Variants in RBFOX1 observed in about 807,000 individuals in gnomAD.
RBFOX1 encodes the protein RNA binding protein fox-1 homolog 1.
In RBFOX1, 8 loss-of-function variants were observed where a neutral mutation model predicts 57.7. The ratio of observed to expected loss-of-function variants is 0.14; its 90% CI spans 0.08 to 0.25. The LOEUF (loss-of-function observed/expected upper bound fraction) is 0.25, where lower values mean the gene tolerates loss of function less well. RBFOX1 is among the 10% of genes least tolerant of loss of function. The probability of loss-of-function intolerance (pLI) is 1.00; values close to 1 mark genes in which losing one functional copy is unlikely to be tolerated. For synonymous variants in RBFOX1, 326 were observed against 222.4 expected, an observed-to-expected ratio of 1.47 and a Z score of -4.15; for missense variants, 611 against 548.5, an observed-to-expected ratio of 1.11 and a Z score of -1.14.
intron 2 of RBFOX1, among the ~76,000 whole-genome samples, chr16:6,590,493 CA>C (rs1241320780): frequency 6.6e-6 from 1 of 152,182 alleles, no homozygotes; most frequent in Non-Finnish European, 1.5e-5. Flanking sequence ...GGTTCAGAGA[CA>C]ATTGTCCTTT....
intron 1 of RBFOX1, among the ~76,000 whole-genome samples, chr16:6,238,176 A>G (rs534302722): frequency 1.3e-5 from 2 of 152,034 alleles, no homozygotes; most frequent in South Asian, 4.2e-4. Flanking sequence ...TCTGCCACTT[A>G]GATGACATAA....
At chr16:5,281,866 G>T (rs1170859620) in intron 1 of RBFOX1, among the ~76,000 whole-genome samples, 1 of 152,088 alleles carries the variant, frequency 6.6e-6, no homozygotes, top group Non-Finnish European at 1.5e-5. Context: ...TTTTTTATCC[G>T]TTAAGCCTGT....
chr16:7,528,202 A>T (rs896802070), intron 5 of RBFOX1, among the ~76,000 whole-genome samples: 3 of 152,192 alleles, frequency 2.0e-5, no homozygotes, highest in Non-Finnish European at 2.9e-5. Flanking sequence ...TCACTGGCTT[A>T]TTTCCATTGC....
intron 3 of RBFOX1, among the ~76,000 whole-genome samples, chr16:6,840,931 C>G (rs1177117855): frequency 6.7e-6 from 1 of 149,384 alleles, no homozygotes; most frequent in East Asian, 2.0e-4. Context: ...AGACCCCTCA[C>G]CGCTTTAATC....
intron 3 of RBFOX1, among the ~76,000 whole-genome samples, chr16:6,847,290 T>C (rs2093807392): frequency 6.6e-6 from 1 of 152,108 alleles, no homozygotes; most frequent in Admixed American, 6.5e-5. Context: ...GCCCAGACTG[T>C]GCTCATTTGG....
At chr16:6,004,330 T>G (rs1033416272) in intron 4 of RBFOX1, among the ~76,000 whole-genome samples, 2 of 152,234 alleles carry the variant, frequency 1.3e-5, no homozygotes, top group African/African-American at 4.8e-5. Flanking sequence ...GCCTCAGTTT[T>G]CTTATCTGCA....
chr16:5,857,700 A>G (rs566075933), intron 3 of RBFOX1, among the ~76,000 whole-genome samples: 3 of 152,056 alleles, frequency 2.0e-5, no homozygotes, highest in Non-Finnish European at 2.9e-5. Context: ...GACGGGCAGA[A>G]CACTTGAGCC....
intron 12 of RBFOX1, among the ~76,000 whole-genome samples, chr16:7,662,570 G>A (rs543223651): frequency 1.3e-5 from 2 of 152,294 alleles, no homozygotes; most frequent in East Asian, 3.9e-4. Context: ...TAGAATGTTA[G>A]TTAAGCCACA....
chr16:6,773,671 G>C lies in RBFOX1; in HGVS notation c.-16+119021G>C, dbSNP rs1459582267. ...GGGTGTGGGGTCTATTTGTGTGTGT[G>C]TGTATGTGTATGTGTATGTGTGGGC... On this transcript the variant is annotated intron_variant, in intron 3 of 15. Coordinates refer to ENST00000550418, the MANE Select transcript of RBFOX1 (RefSeq NM_018723.4). The C allele has an allele frequency of 5.6e-5, 4 of 71,386 alleles. No homozygotes were observed. In the East Asian group the frequency reaches 3.9e-3, roughly 69 times the overall value. 4.4% of individuals were successfully genotyped at this position (71,386 alleles called of 1,614,324 possible). A position where few individuals can be genotyped will look rare whatever the true frequency, so the allele number is the denominator to read the frequency against.
At chr16:5,904,169 C>G (rs551477788) in intron 4 of RBFOX1, among the ~76,000 whole-genome samples, 1 of 152,204 alleles carries the variant, frequency 6.6e-6, no homozygotes, top group South Asian at 2.1e-4. Flanking sequence ...CTGGTGTATG[C>G]ACAAAGCCTC....
chr16:6,730,481 C>G (rs918721136), intron 3 of RBFOX1, among the ~76,000 whole-genome samples: 24 of 152,118 alleles, frequency 1.6e-4, no homozygotes, highest in Non-Finnish European at 2.4e-4. Context: ...ATCTAATTAC[C>G]TAACTGTCTA....
At chr16:5,331,515 C>T (rs1369220972) in intron 1 of RBFOX1, among the ~76,000 whole-genome samples, 1 of 152,184 alleles carries the variant, frequency 6.6e-6, no homozygotes, top group African/African-American at 2.4e-5. Context: ...GTGGGCTAGC[C>T]CAGGCATGTC....
rs1289629142 is a variant in RBFOX1 at position 6,656,956 on chromosome 16, C to T, written c.-16+2306C>T. Among the ~76,000 whole-genome samples the T allele has an allele frequency of 2.1e-4, 19 of 91,936 alleles. 1 individual carries two copies. Among genetic ancestry groups the T allele is most frequent in the African/African-American group, 9.0e-4 (19 of 21,138 alleles). The allele number at this position is 91,936 out of a possible 152,430, so 60.3% of individuals were successfully genotyped here. On this transcript the variant is annotated intron_variant, in intron 3 of 15. Coordinates refer to ENST00000550418, the MANE Select transcript of RBFOX1 (RefSeq NM_018723.4). ...CCCTCTCCTCCCCTTTCCTCTCCTC[C>T]CCTTTCCTCTCCTCTCCTCCCCTTT...
chr16:5,959,613 A>G (rs920365899), intron 4 of RBFOX1, among the ~76,000 whole-genome samples: 54 of 152,356 alleles, frequency 3.5e-4, no homozygotes, highest in African/African-American at 3.4e-4. Context: ...CAAAGCAAAA[A>G]TACAACTGAG....
At chr16:6,013,813 C>T (rs2152340990) in intron 4 of RBFOX1, among the ~76,000 whole-genome samples, 1 of 152,044 alleles carries the variant, frequency 6.6e-6, no homozygotes, top group East Asian at 1.9e-4. Flanking sequence ...GTGAATAGTG[C>T]CGCATGGATG....
chr16:5,906,890 A>G (rs1019653558), intron 4 of RBFOX1, among the ~76,000 whole-genome samples: 4 of 151,788 alleles, frequency 2.6e-5, no homozygotes, highest in African/African-American at 9.7e-5. Context: ...GCCCACCACC[A>G]TGCCTGGCTC....
chr16:5,797,877 A>T (rs2054930780), intron 3 of RBFOX1, among the ~76,000 whole-genome samples: 1 of 152,204 alleles, frequency 6.6e-6, no homozygotes. Flanking sequence ...AACAAGCAGG[A>T]CAGGCTCTGG....
At chr16:6,989,588 G>T (rs529339913) in intron 3 of RBFOX1, among the ~76,000 whole-genome samples, 1 of 152,176 alleles carries the variant, frequency 6.6e-6, no homozygotes, top group African/African-American at 2.4e-5. Context: ...CAGCTGTGGA[G>T]AATGCAACCA....
intron 3 of RBFOX1, among the ~76,000 whole-genome samples, chr16:5,688,350 A>G (rs1030513379): frequency 1.3e-5 from 2 of 152,228 alleles, no homozygotes; most frequent in Non-Finnish European, 2.9e-5. Flanking sequence ...TATCAGTGAG[A>G]GCCATTTTGA....
Sources: allele counts gnomAD v4.1 joint callset (sites outside exome capture counted in the v4.1 genomes callset), GRCh38; gene constraint gnomAD v4.1.1; transcripts MANE v1.5; gene names NCBI Gene and HGNC (gene_info 2026-07-23, HGNC 2026-07-21).